Variants in LCLAT1 observed in about 807,000 individuals in gnomAD.
LCLAT1 encodes the protein 1-AGP acyltransferase 8.
In LCLAT1, 11 loss-of-function variants were observed where a neutral mutation model predicts 30.7. That is an observed-to-expected ratio of 0.36 (90% CI 0.23 to 0.59). The LOEUF (loss-of-function observed/expected upper bound fraction) is 0.59, where lower values mean the gene tolerates loss of function less well. LCLAT1 is among the 20% of genes least tolerant of loss of function. The pLI, the probability that LCLAT1 is intolerant of heterozygous loss-of-function variation, is 0.77. For missense variants in LCLAT1, 402 were observed against 458.6 expected, an observed-to-expected ratio of 0.88 and a Z score of 1.13; for synonymous variants, 155 against 151.3, an observed-to-expected ratio of 1.02 and a Z score of -0.18.
intron 2 of LCLAT1, 66 bp from the exon 3 acceptor site, chr2:30,533,050 C>G: frequency 9.6e-7 from 1 of 1,041,282 alleles, no homozygotes; most frequent in Non-Finnish European, 1.5e-6. Context: ...ATTTATAGGG[C>G]ATGATAAAAT....
intron 5 of LCLAT1, among the ~76,000 whole-genome samples, chr2:30,612,196 G>C (rs1015838794): frequency 6.6e-6 from 1 of 152,112 alleles, no homozygotes; most frequent in Non-Finnish European, 1.5e-5. Flanking sequence ...TGTTATCAGA[G>C]AGAAAATGAA....
chr2:30,452,082 G>A (rs2148254536), intron 1 of LCLAT1, among the ~76,000 whole-genome samples: 1 of 152,274 alleles, frequency 6.6e-6, no homozygotes, highest in East Asian at 1.9e-4. Context: ...TGGTGGTGGT[G>A]GTAATGACTG....
In LCLAT1 at chr2:30,498,173, G is replaced by T. The variant is rs1357015122; in HGVS notation, c.-4-27414G>T. 2.6e-5 allele frequency among the ~76,000 whole-genome samples: 4 copies of T among 152,204 alleles called. No individual in the cohort carries two copies. The East Asian group carries it at 7.7e-4, about 29-fold the overall frequency. On this transcript the variant is annotated intron_variant, in intron 1 of 5. Coordinates refer to ENST00000379509, the MANE Select transcript of LCLAT1 (RefSeq NM_001002257.3). ...CAACTGAGAGGGGGCCTGAAAGAGG[G>T]TTGCCAGCTATGAGGCTGAGTCCGG...
chr2:30,584,705 G>A (rs1433272034), intron 5 of LCLAT1, among the ~76,000 whole-genome samples: 3 of 152,142 alleles, frequency 2.0e-5, no homozygotes, highest in Admixed American at 6.5e-5. Context: ...ATGGCAGTTA[G>A]TCCAACTTTT....
chr2:30,514,776 A>T (rs1348667895), intron 1 of LCLAT1, among the ~76,000 whole-genome samples: 2 of 152,252 alleles, frequency 1.3e-5, no homozygotes, highest in Non-Finnish European at 2.9e-5. Context: ...TTTTGCCAAC[A>T]AGTCCCATGC....
chr2:30,600,052 G>A (rs189240233), intron 5 of LCLAT1, among the ~76,000 whole-genome samples: 30 of 152,248 alleles, frequency 2.0e-4, no homozygotes, highest in African/African-American at 6.3e-4. Context: ...GGTTGGTAAC[G>A]GTTCTTCCCT....
intron 1 of LCLAT1, among the ~76,000 whole-genome samples, chr2:30,463,357 CATACATAGAG>C (rs1682264299): frequency 6.6e-6 from 1 of 152,024 alleles, no homozygotes; most frequent in South Asian, 2.1e-4. Context: ...TAAACGTTAT[CATACATAGAG>C]ATTTCTTTTT....
chr2:30,514,229 T>G (rs1471103346), intron 1 of LCLAT1, among the ~76,000 whole-genome samples: 1 of 152,254 alleles, frequency 6.6e-6, no homozygotes, highest in Non-Finnish European at 1.5e-5. Context: ...GTAAAGTGCC[T>G]ATTTTAGGAC....
chr2:30,589,295 G>A (rs533994082), intron 5 of LCLAT1, among the ~76,000 whole-genome samples: 2 of 152,170 alleles, frequency 1.3e-5, no homozygotes, highest in Non-Finnish European at 2.9e-5. Flanking sequence ...TTTGGTAGGG[G>A]AGTTGTATAT....
rs1669293797 is a variant in LCLAT1 at position 30,641,329 on chromosome 2, CAGTTTA to C, written c.*715_*720del. ...GAATTTTAAAAGATAGGAAGTAATA[CAGTTTA>C]AGTTCCTTTCTCACACTCAGTATTG... is the stretch of plus-strand genomic sequence containing the variant. On this transcript the variant is annotated 3_prime_UTR_variant, in exon 6 of 6. Coordinates refer to ENST00000379509, the MANE Select transcript of LCLAT1 (RefSeq NM_001002257.3). 1 of 152,182 alleles carries C rather than the reference CAGTTTA, an allele frequency of 6.6e-6. No individual in the cohort carries two copies. Among genetic ancestry groups the C allele is most frequent in the Non-Finnish European group, 1.5e-5 (1 of 68,032 alleles). 9.4% of individuals were successfully genotyped at this position (152,182 alleles called of 1,614,324 possible). A position where few individuals can be genotyped will look rare whatever the true frequency, so the allele number is the denominator to read the frequency against.
At chr2:30,624,455 G>A (rs563148480) in intron 5 of LCLAT1, among the ~76,000 whole-genome samples, 1 of 152,196 alleles carries the variant, frequency 6.6e-6, no homozygotes, top group Admixed American at 6.5e-5. Context: ...CCAAAAGTGA[G>A]CAGGAGTAGC....
chr2:30,505,768 A>G (rs1042416315), intron 1 of LCLAT1, among the ~76,000 whole-genome samples: 3 of 152,166 alleles, frequency 2.0e-5, no homozygotes, highest in Non-Finnish European at 2.9e-5. Context: ...TGAACTTCAG[A>G]TAAGAAGAAC....
intron 1 of LCLAT1, among the ~76,000 whole-genome samples, chr2:30,462,809 C>G (rs573197798): frequency 3.3e-5 from 5 of 152,128 alleles, no homozygotes; most frequent in East Asian, 1.9e-4. Context: ...TATAAAAGTT[C>G]AAAAATTTTT....
At chr2:30,473,606 G>A (rs1423606577) in intron 1 of LCLAT1, among the ~76,000 whole-genome samples, 1 of 152,154 alleles carries the variant, frequency 6.6e-6, no homozygotes, top group South Asian at 2.1e-4. Flanking sequence ...TTCTGTGGAT[G>A]GATAGATGAA....
At chr2:30,458,229 GT>G (rs1681930720) in intron 1 of LCLAT1, among the ~76,000 whole-genome samples, 1 of 152,216 alleles carries the variant, frequency 6.6e-6, no homozygotes, top group African/African-American at 2.4e-5. Flanking sequence ...TGAGCAGTTA[GT>G]TAGAATAGCA....
intron 5 of LCLAT1, among the ~76,000 whole-genome samples, chr2:30,629,821 A>G (rs773063610): frequency 2.0e-5 from 3 of 152,232 alleles, no homozygotes; most frequent in South Asian, 2.1e-4. Flanking sequence ...TGTGATATCT[A>G]TATCATCAAA....
At chr2:30,619,179 G>A (rs141482592) in intron 5 of LCLAT1, among the ~76,000 whole-genome samples, 127 of 152,240 alleles carry the variant, frequency 8.3e-4, no homozygotes, top group Non-Finnish European at 1.1e-3. Flanking sequence ...AGAACCACTG[G>A]TTTTGATTAT....
At chr2:30,540,758 G>A (rs1403458010) in intron 3 of LCLAT1, among the ~76,000 whole-genome samples, 2 of 151,386 alleles carry the variant, frequency 1.3e-5, no homozygotes, top group African/African-American at 4.8e-5. Context: ...TCCGCCTCCC[G>A]GGTTCAAGCG....
intron 5 of LCLAT1, among the ~76,000 whole-genome samples, chr2:30,631,175 T>G (rs1668751310): frequency 6.6e-6 from 1 of 152,204 alleles, no homozygotes. Flanking sequence ...TCCTGGTACC[T>G]TCTATCTCCA....
Sources: allele counts gnomAD v4.1 joint callset (sites outside exome capture counted in the v4.1 genomes callset), GRCh38; gene constraint gnomAD v4.1.1; transcripts MANE v1.5; gene names NCBI Gene and HGNC (gene_info 2026-07-23, HGNC 2026-07-21).